Variants in CA8 observed in about 807,000 individuals in gnomAD.
CA8 encodes carbonic anhydrase-related protein.
Under a neutral mutation model 41.4 loss-of-function variants are expected in CA8, and 22 were observed. That is an observed-to-expected ratio of 0.53 (90% CI 0.38 to 0.76). The LOEUF is 0.76. CA8 is among the 30% of genes least tolerant of loss of function. The pLI is 0.00. For missense variants in CA8, 270 were observed against 352.8 expected (o/e 0.77, Z 1.88); for synonymous variants, 121 against 130.6 (o/e 0.93, Z 0.50).
intron 3 of CA8, among the ~76,000 whole-genome samples, chr8:60,236,619 T>A (rs1309636763): frequency 6.6e-6 from 1 of 152,154 alleles, no homozygotes; most frequent in African/African-American, 2.4e-5. Context: ...CAAAACATGA[T>A]CCCTTTGGGG....
In CA8 at chr8:60,224,536, C is replaced by A; in HGVS notation, c.625+1G>T. 6.4e-7 allele frequency: 1 copy of A among 1,566,276 alleles called. No individual in the cohort carries two copies. Among genetic ancestry groups the A allele is most frequent in the Non-Finnish European group, 8.8e-7 (1 of 1,137,540 alleles). On this transcript the variant is annotated splice_donor_variant, in intron 6 of 8. Coordinates refer to ENST00000317995, the MANE Select transcript of CA8 (RefSeq NM_004056.6). LOFTEE classifies it high-confidence loss of function. ...TTTTATGCAATCAGGTAAATACTCA[C>A]CTGGTAATAAAGTGTTAGGATTAAA...
rs1805948785 is a variant in CA8, at chr8:60,185,835, C to T, written c.*4186G>A. ...GCCTGGAATGAAGTGACCCCAGATA[C>T]TAATTTGAATCCATTCCAAAAAAAA... On this transcript the variant is annotated 3_prime_UTR_variant, in exon 9 of 9. Transcript: ENST00000317995. Among the ~76,000 whole-genome samples the T allele has an allele frequency of 6.6e-6, 1 of 151,654 alleles. No homozygotes were observed. The highest frequency in any genetic ancestry group is 1.5e-5 in the Non-Finnish European group (1 of 67,916).
chr8:60,188,678 A>G lies in CA8; in HGVS notation c.*1343T>C, dbSNP rs1806031009. ...GACCCCATGTGATCCAGGGCTACCA[A>G]CAGATCTCAACCCTTAGCAAGCCTC... is the stretch of plus-strand genomic sequence containing the variant. On this transcript the variant is annotated 3_prime_UTR_variant, in exon 9 of 9. Transcript: ENST00000317995. 6.6e-6 allele frequency: 1 copy of G among 152,216 alleles called. No individual in the cohort carries two copies. Among genetic ancestry groups the G allele is most frequent in the African/African-American group, 2.4e-5 (1 of 41,440 alleles). 9.4% of individuals were successfully genotyped at this position (152,216 alleles called of 1,614,324 possible). A position where few individuals can be genotyped will look rare whatever the true frequency, so the allele number is the denominator to read the frequency against.
intron 5 of CA8, among the ~76,000 whole-genome samples, chr8:60,225,291 T>C (rs1204055101): frequency 2.0e-5 from 3 of 152,146 alleles, no homozygotes; most frequent in Non-Finnish European, 2.9e-5. Context: ...TCTTAAAAGA[T>C]TTTTCTCTAT....
intron 4 of CA8, 112 bp downstream of exon 4, chr8:60,232,172 C>T: frequency 1.3e-6 from 1 of 781,646 alleles, no homozygotes; most frequent in South Asian, 1.4e-5. Flanking sequence ...GGTGTTCTCT[C>T]TATGTGTGTA....
intron 4 of CA8, among the ~76,000 whole-genome samples, chr8:60,230,631 C>T (rs1807615856): frequency 1.3e-5 from 2 of 151,222 alleles, no homozygotes; most frequent in South Asian, 4.2e-4. Context: ...TGAAATTTTG[C>T]TCTCAGTTCT....
intron 8 of CA8, 105 bp downstream of exon 8, chr8:60,208,645 C>T: frequency 2.1e-6 from 2 of 953,824 alleles, no homozygotes; most frequent in Admixed American, 3.7e-5. Flanking sequence ...AGATGAAGTA[C>T]ATACGCTTTT....
chr8:60,236,733 T>A (rs573220559), intron 3 of CA8, among the ~76,000 whole-genome samples: 2 of 152,348 alleles, frequency 1.3e-5, no homozygotes, highest in East Asian at 3.9e-4. Context: ...TTCAACTTTT[T>A]CTATGCTTCA....
chr8:60,208,543 T>A (rs1031839259), intron 8 of CA8: 5 of 567,840 alleles, frequency 8.8e-6, no homozygotes, highest in Admixed American at 6.1e-5. Context: ...TAGGAAAATA[T>A]AATCATAGTT....
At chr8:60,190,296 A>C (rs2130368737) in intron 8 of CA8, among the ~76,000 whole-genome samples, 1 of 151,536 alleles carries the variant, frequency 6.6e-6, no homozygotes, top group East Asian at 1.9e-4. Flanking sequence ...TCAAATAATA[A>C]AAATAAAGCT....
rs569820820 is a variant in CA8 at position 60,186,479 on chromosome 8, G to C, written c.*3542C>G. Among the ~76,000 whole-genome samples the C allele has an allele frequency of 6.7e-6, 1 of 150,032 alleles. No homozygotes were observed. Among genetic ancestry groups the C allele is most frequent in the African/African-American group, 2.4e-5 (1 of 40,882 alleles). On this transcript the variant is annotated 3_prime_UTR_variant, in exon 9 of 9. Transcript: ENST00000317995. The stretch of plus-strand genomic sequence containing the variant: ...TAATTAAAAAAAAAGTAATAGAGGA[G>C]GAATAAAGGAACAACAACAAAAAGA...
intron 2 of CA8, among the ~76,000 whole-genome samples, chr8:60,275,748 C>T (rs1205473408): frequency 2.0e-5 from 3 of 152,034 alleles, no homozygotes; most frequent in Non-Finnish European, 4.4e-5. Flanking sequence ...AAGTGCCCAG[C>T]ATATAGTGCA....
intron 3 of CA8, among the ~76,000 whole-genome samples, chr8:60,262,127 TAC>T (rs1344561292): frequency 2.6e-5 from 4 of 152,170 alleles, no homozygotes; most frequent in Admixed American, 6.5e-5. Flanking sequence ...TACCAAAAAT[TAC>T]ACAGTCCACA....
chr8:60,240,732 C>A (rs201882265), intron 3 of CA8, among the ~76,000 whole-genome samples: 1 of 151,846 alleles, frequency 6.6e-6, no homozygotes, highest in African/African-American at 2.4e-5. Context: ...CCTCAGCCCC[C>A]AAAAAATCCA....
chr8:60,244,875 T>A (rs1036347786), intron 3 of CA8, among the ~76,000 whole-genome samples: 1 of 152,178 alleles, frequency 6.6e-6, no homozygotes. Flanking sequence ...CAGAACCTGT[T>A]TATTAGAAAT....
intron 8 of CA8, among the ~76,000 whole-genome samples, chr8:60,190,957 TACACAC>T (rs112367263): frequency 7.7e-5 from 8 of 104,184 alleles, no homozygotes; most frequent in African/African-American, 2.1e-4. Context: ...TATATATATA[TACACAC>T]ACACATTTCT....
chr8:60,205,735 T>A (rs567455159), intron 8 of CA8, among the ~76,000 whole-genome samples: 1 of 152,306 alleles, frequency 6.6e-6, no homozygotes, highest in South Asian at 2.1e-4. Flanking sequence ...GTTATCAAAG[T>A]CTTCCAGGTG....
rs184789084 is a variant in CA8, at chr8:60,276,137, G to A, written c.292+3552C>T. 3.9e-5 allele frequency among the ~76,000 whole-genome samples: 6 copies of A among 152,234 alleles called. No homozygotes were observed. The East Asian group carries it at 5.8e-4, about 15-fold the overall frequency. Reference sequence around the variant, plus strand: ...AAACCAAGAAATTCCCTGAGATGACGGAGCAACTCAAAAAAGAGGATGGCA... The same window carrying A: ...AAACCAAGAAATTCCCTGAGATGACAGAGCAACTCAAAAAAGAGGATGGCA... On this transcript the variant is annotated intron_variant, in intron 2 of 8. Coordinates refer to ENST00000317995, the MANE Select transcript of CA8 (RefSeq NM_004056.6).
At chr8:60,192,458 A>T (rs537873844) in intron 8 of CA8, among the ~76,000 whole-genome samples, 3 of 152,296 alleles carry the variant, frequency 2.0e-5, no homozygotes, top group Admixed American at 6.5e-5. Flanking sequence ...AAATTAAACT[A>T]CAATACTGTG....
Sources: gnomAD v4.1 joint callset for allele counts (sites outside exome capture counted in the v4.1 genomes callset) on GRCh38, gnomAD v4.1.1 for gene constraint, MANE v1.5 for transcripts, NCBI Gene and HGNC (gene_info 2026-07-23, HGNC 2026-07-21) for gene names.